Variants in ZNF343 observed in about 807,000 individuals in gnomAD.
ZNF343 encodes zinc finger protein 343.
Under a neutral mutation model 13.8 loss-of-function variants are expected in ZNF343, and 11 were observed. The observed-to-expected ratio is 0.80, with a 90% CI of 0.50 to 1.32. ZNF343 has a LOEUF of 1.32. ZNF343 is among the 40% of genes most tolerant of loss of function. The pLI is 0.00. For synonymous variants in ZNF343, 248 were observed against 260.0 expected (o/e 0.95, Z 0.44); for missense variants, 658 against 714.2 (o/e 0.92, Z 0.90).
In ZNF343 at chr20:2,522,068, T is replaced by A. The variant is rs568295431; in HGVS notation, c.-347+2387A>T. Among the ~76,000 whole-genome samples, 5 of 152,340 alleles carry A rather than the reference T, an allele frequency of 3.3e-5. No individual in the cohort carries two copies. In the East Asian group the frequency reaches 7.7e-4, roughly 24 times the overall value. ...TATACTCTAAGTTACTCTAAGAAGG[T>A]CCTTTTGAGAATGCTTGAGTCTACA... On this transcript the variant is annotated intron_variant, in intron 1 of 6. Transcript: ENST00000358413.
At chr20:2,512,673 T>A (rs577035517), upstream of ZNF343, among the ~76,000 whole-genome samples, 1 of 152,112 alleles carries the variant, frequency 6.6e-6, no homozygotes, top group Non-Finnish European at 1.5e-5. Context: ...TCAAAGACTA[T>A]AAAGATCTAA....
At position 2,483,905 on chromosome 20, in the gene ZNF343, G is replaced by A. The variant is rs1392077816; in HGVS notation, c.1056C>T (p.Pro352=). Reference sequence around the variant, plus strand: ...CTCGCCCACACTCGCTGCAAACATAGGGCTTCTCCTCTGAGTGAGTCCACT... The same window carrying A: ...CTCGCCCACACTCGCTGCAAACATAAGGCTTCTCCTCTGAGTGAGTCCACT... ...RHQWTHSEEK[P]YVCSECGRGF... The change falls in exon 6 of 6, where the codon CCC becomes CCT. Residue 352 remains proline (P), a synonymous_variant. Coordinates refer to ENST00000278772, the MANE Select transcript of ZNF343 (RefSeq NM_024325.6). 1.9e-6 allele frequency: 3 copies of A among 1,613,542 alleles called. No homozygotes were observed. The highest frequency in any genetic ancestry group is 2.5e-6 in the Non-Finnish European group (3 of 1,179,912).
chr20:2,507,024 G>A (rs2085670073), intron 1 of ZNF343, among the ~76,000 whole-genome samples: 1 of 152,034 alleles, frequency 6.6e-6, no homozygotes, highest in Non-Finnish European at 1.5e-5. Context: ...AGCACTTTGG[G>A]AGGCCCGGGG....
At chr20:2,510,201 A>G (rs1031626523), upstream of ZNF343, among the ~76,000 whole-genome samples, 2 of 152,250 alleles carry the variant, frequency 1.3e-5, no homozygotes, top group African/African-American at 2.4e-5. Flanking sequence ...GAAAAATTGT[A>G]TAGCAAACAA....
intron 2 of ZNF343, among the ~76,000 whole-genome samples, chr20:2,495,050 C>T (rs1326909585): frequency 6.6e-6 from 1 of 152,206 alleles, no homozygotes; most frequent in Non-Finnish European, 1.5e-5. Flanking sequence ...AGACGCTGTC[C>T]AGGATTTCAG....
In ZNF343 at chr20:2,493,822, T is replaced by C; in HGVS notation, c.74A>G (p.Asn25Ser). 2 of 1,613,786 alleles carry C rather than the reference T, an allele frequency of 1.2e-6. No individual in the cohort carries two copies. Among genetic ancestry groups the C allele is most frequent in the Non-Finnish European group, 1.7e-6 (2 of 1,179,790 alleles). ...GGTCAATTTCTTCATAGTCTCTACA[T>C]TTTCCCCATTCTTTGGAAGCAAAAT... Reference protein sequence around the residue: ...EEILLPKNGENVETMKKLTQN... With the variant: ...EEILLPKNGESVETMKKLTQN... The change falls in exon 3 of 6, where the codon AAT (asparagine) becomes AGT (serine). Residue 25 changes from asparagine (N) to serine (S), a missense_variant. Transcript: ENST00000278772.
Position 2,523,677 on chromosome 20 carries a change from C to CTTTTTTT in ZNF343, c.-347+771_-347+777dup, listed in dbSNP as rs3051730. Among the ~76,000 whole-genome samples the CTTTTTTT allele has an allele frequency of 9.7e-5, 10 of 102,796 alleles. 1 individual carries two copies. Among genetic ancestry groups the CTTTTTTT allele is most frequent in the African/African-American group, 2.7e-4 (7 of 25,964 alleles). 67.4% of individuals were successfully genotyped at this position (102,796 alleles called of 152,430 possible). ...AAACCCCACTCCATAGCTATGTGTACTTTTTTTTTTTTTTTTTTTTTGAGA... is the reference window on the plus strand; with the variant it reads ...AAACCCCACTCCATAGCTATGTGTACTTTTTTTTTTTTTTTTTTTTTTTTTTTTGAGA... On this transcript the variant is annotated intron_variant, in intron 1 of 6. Transcript: ENST00000358413.
At chr20:2,510,324 G>C (rs1359891858), upstream of ZNF343, among the ~76,000 whole-genome samples, 1 of 152,198 alleles carries the variant, frequency 6.6e-6, no homozygotes, top group Admixed American at 6.5e-5. Flanking sequence ...TCTGGCATCT[G>C]ATTAGCAGAT....
intron 5 of ZNF343, chr20:2,491,765 T>C (rs1285381321): frequency 1.3e-5 from 2 of 152,252 alleles, no homozygotes; most frequent in Admixed American, 6.5e-5. Flanking sequence ...CAGTTATTGT[T>C]TGGCCCTTTA....
At chr20:2,517,682 T>C (rs1045713157) in intron 1 of ZNF343, among the ~76,000 whole-genome samples, 2 of 151,752 alleles carry the variant, frequency 1.3e-5, no homozygotes, top group Non-Finnish European at 2.9e-5. Context: ...TTAATTTTTT[T>C]TTTTTGTAGA....
intron 1 of ZNF343, among the ~76,000 whole-genome samples, chr20:2,517,980 A>G (rs2085766579): frequency 1.3e-5 from 2 of 152,016 alleles, no homozygotes; most frequent in Admixed American, 1.3e-4. Context: ...TAAAATTTTA[A>G]AAGTACTCAA....
chr20:2,522,437 G>A (rs1182927648), intron 1 of ZNF343, among the ~76,000 whole-genome samples: 5 of 152,098 alleles, frequency 3.3e-5, no homozygotes, highest in Admixed American at 2.0e-4. Context: ...TAGACGTGAC[G>A]CAACCTGTTT....
At chr20:2,506,928 T>C (rs1303356774) in intron 1 of ZNF343, among the ~76,000 whole-genome samples, 2 of 145,914 alleles carry the variant, frequency 1.4e-5, no homozygotes, top group African/African-American at 5.2e-5. Context: ...ACATGTACCC[T>C]AGAACTTAAA....
upstream of ZNF343, among the ~76,000 whole-genome samples, chr20:2,512,610 C>T (rs564901213): frequency 4.6e-5 from 7 of 152,154 alleles, no homozygotes; most frequent in East Asian, 1.4e-3. Flanking sequence ...TGGATAACCA[C>T]AAGTAAAAGA....
chr20:2,499,331 G>A (rs1400908810), intron 2 of ZNF343, among the ~76,000 whole-genome samples: 2 of 124,764 alleles, frequency 1.6e-5, no homozygotes, highest in Non-Finnish European at 3.6e-5. Flanking sequence ...CGGGCGTAGT[G>A]GCGGGCACCT....
At chr20:2,514,920 C>T (rs2085752752) in intron 1 of ZNF343, among the ~76,000 whole-genome samples, 1 of 151,368 alleles carries the variant, frequency 6.6e-6, no homozygotes, top group Non-Finnish European at 1.5e-5. Flanking sequence ...ACTCAGGAGG[C>T]GGAGGTTGCA....
chr20:2,484,615 G>C lies in ZNF343; in HGVS notation c.346C>G (p.Leu116Val), dbSNP rs773144691. ...PEIYTCSSCL[L>V]AFSCQQFLSQ... ...AGGAACTGCTGACAGGAGAAGGCCA[G>C]AAGGCAGGAGGAACAAGTGTAGATT... The change falls in exon 6 of 6, where the codon CTG becomes GTG. Residue 116 changes from leucine (L) to valine (V), a missense_variant. Transcript: ENST00000278772. 27 of 1,609,890 alleles carry C rather than the reference G, an allele frequency of 1.7e-5. No individual in the cohort carries two copies. The Middle Eastern group carries it at 5.0e-4, about 30-fold the overall frequency.
chr20:2,487,773 G>A (rs2085303415), intron 5 of ZNF343, among the ~76,000 whole-genome samples: 1 of 152,226 alleles, frequency 6.6e-6, no homozygotes, highest in South Asian at 2.1e-4. Flanking sequence ...CAGCATTTCT[G>A]CATTGCCATC....
intron 5 of ZNF343, among the ~76,000 whole-genome samples, chr20:2,490,967 C>T (rs1032408556): frequency 2.6e-5 from 4 of 151,948 alleles, no homozygotes; most frequent in Admixed American, 6.6e-5. Flanking sequence ...CAAACCAGAG[C>T]GAATCAGATC....
Sources: gnomAD v4.1 joint callset for allele counts (sites outside exome capture counted in the v4.1 genomes callset) on GRCh38, gnomAD v4.1.1 for gene constraint, MANE v1.5 for transcripts, NCBI Gene and HGNC (gene_info 2026-07-23, HGNC 2026-07-21) for gene names.